SLC9A9: variants seen among roughly 807,000 people sequenced by gnomAD.
SLC9A9 encodes solute carrier family 9 member A9, also known as sodium/hydrogen exchanger 9.
In SLC9A9, 62 loss-of-function variants were observed where a neutral mutation model predicts 77.8. The ratio of observed to expected loss-of-function variants is 0.80; its 90% CI spans 0.65 to 0.98. SLC9A9 has a LOEUF of 0.98. SLC9A9 is among the 50% of genes least tolerant of loss of function. The probability of loss-of-function intolerance (pLI) is 0.00; values close to 1 mark genes in which losing one functional copy is unlikely to be tolerated. For missense variants in SLC9A9, 775 were observed against 774.9 expected (o/e 1.00, Z 0.00); for synonymous variants, 320 against 283.5 (o/e 1.13, Z -1.29).
chr3:143,744,159 C>T (rs2108819149), intron 4 of SLC9A9, among the ~76,000 whole-genome samples: 1 of 152,150 alleles, frequency 6.6e-6, no homozygotes, highest in South Asian at 2.1e-4. Flanking sequence ...TTTTAGTGCC[C>T]CCCAGCTTTA....
chr3:143,803,923 T>A (rs929948001), intron 2 of SLC9A9, among the ~76,000 whole-genome samples: 2 of 152,074 alleles, frequency 1.3e-5, no homozygotes, highest in Non-Finnish European at 2.9e-5. Flanking sequence ...CAGCAAGACC[T>A]CCCCAGACAT....
chr3:143,832,915 C>T (rs768440399), intron 1 of SLC9A9, among the ~76,000 whole-genome samples: 24 of 152,058 alleles, frequency 1.6e-4, no homozygotes, highest in Non-Finnish European at 3.1e-4. Context: ...TAATATAATA[C>T]ATTCTCTAAT....
intron 13 of SLC9A9, among the ~76,000 whole-genome samples, chr3:143,365,875 T>G (rs964972420): frequency 2.6e-5 from 4 of 152,222 alleles, no homozygotes; most frequent in African/African-American, 9.6e-5. Flanking sequence ...AAACTGCTCA[T>G]GTTGAGCTAA....
At chr3:143,790,716 T>C (rs1415000886) in intron 4 of SLC9A9, among the ~76,000 whole-genome samples, 2 of 152,128 alleles carry the variant, frequency 1.3e-5, no homozygotes. Context: ...CTCATAGGGG[T>C]AGTATAAGAT....
At chr3:143,846,426 T>G (rs1317236052) in intron 1 of SLC9A9, among the ~76,000 whole-genome samples, 1 of 152,218 alleles carries the variant, frequency 6.6e-6, no homozygotes, top group Non-Finnish European at 1.5e-5. Flanking sequence ...CTGTTCATGA[T>G]GGAGATAGGC....
intron 6 of SLC9A9, among the ~76,000 whole-genome samples, chr3:143,618,499 A>G (rs1035040006): frequency 1.3e-5 from 2 of 152,170 alleles, no homozygotes; most frequent in African/African-American, 2.4e-5. Context: ...AAAACCACAG[A>G]CATCCCACAG....
intron 14 of SLC9A9, among the ~76,000 whole-genome samples, chr3:143,347,751 T>C (rs2032330090): frequency 6.6e-6 from 1 of 152,158 alleles, no homozygotes; most frequent in Non-Finnish European, 1.5e-5. Context: ...TTTTCAACCC[T>C]CTCTTCCAAA....
chr3:143,491,478 A>G (rs549431655), intron 11 of SLC9A9, among the ~76,000 whole-genome samples: 86 of 152,254 alleles, frequency 5.6e-4, no homozygotes, highest in African/African-American at 2.0e-3. Context: ...TATTAATAAA[A>G]TAGCCATGGA....
intron 11 of SLC9A9, among the ~76,000 whole-genome samples, chr3:143,489,109 TA>T (rs2035700054): frequency 6.6e-6 from 1 of 151,838 alleles, no homozygotes; most frequent in Non-Finnish European, 1.5e-5. Context: ...AATCTAAAAT[TA>T]AAATTATGAA....
At chr3:143,601,556 C>T (rs2037845350) in intron 6 of SLC9A9, among the ~76,000 whole-genome samples, 1 of 152,174 alleles carries the variant, frequency 6.6e-6, no homozygotes, top group South Asian at 2.1e-4. Context: ...TATCACACAC[C>T]ACCTCCACAG....
chr3:143,720,127 T>C (rs537959208), intron 4 of SLC9A9, among the ~76,000 whole-genome samples: 1 of 151,364 alleles, frequency 6.6e-6, no homozygotes, highest in Non-Finnish European at 1.5e-5. Context: ...ATAATATATA[T>C]TATATATGAG....
chr3:143,409,915 A>C (rs6440171), intron 12 of SLC9A9, among the ~76,000 whole-genome samples: 99 of 152,316 alleles, frequency 6.5e-4, no homozygotes, highest in Non-Finnish European at 1.1e-3. Context: ...GAAAACTTAG[A>C]TTGAGCTGAA....
At chr3:143,779,920 T>G (rs2007817709) in intron 4 of SLC9A9, among the ~76,000 whole-genome samples, 1 of 152,244 alleles carries the variant, frequency 6.6e-6, no homozygotes, top group African/African-American at 2.4e-5. Context: ...TTCTTGCAAA[T>G]GAGTCTCCAT....
chr3:143,471,005 C>G (rs1306806781), intron 11 of SLC9A9, among the ~76,000 whole-genome samples: 1 of 152,160 alleles, frequency 6.6e-6, no homozygotes, highest in Non-Finnish European at 1.5e-5. Context: ...CAGCCACTAT[C>G]TCGTGGCAGG....
chr3:143,500,364 G>A (rs924630872), intron 9 of SLC9A9, among the ~76,000 whole-genome samples: 2 of 152,072 alleles, frequency 1.3e-5, no homozygotes, highest in African/African-American at 4.8e-5. Context: ...GATGAATCTT[G>A]TAAGGTAAGT....
At chr3:143,325,168 T>C (rs1025650250) in intron 14 of SLC9A9, among the ~76,000 whole-genome samples, 3 of 152,020 alleles carry the variant, frequency 2.0e-5, no homozygotes, top group Admixed American at 6.6e-5. Flanking sequence ...CCTCCTTGAA[T>C]TTGTCTTTAT....
intron 12 of SLC9A9, among the ~76,000 whole-genome samples, chr3:143,420,648 G>A (rs1442925697): frequency 1.3e-5 from 2 of 152,050 alleles, no homozygotes; most frequent in Non-Finnish European, 2.9e-5. Flanking sequence ...GAAAGGTGAG[G>A]GAAATCATTA....
chr3:143,631,850 TC>T (rs2038428220), intron 6 of SLC9A9, among the ~76,000 whole-genome samples: 1 of 152,158 alleles, frequency 6.6e-6, no homozygotes, highest in Non-Finnish European at 1.5e-5. Flanking sequence ...TTTATATTTT[TC>T]TAAAAAACAC....
At chr3:143,526,954 G>A (rs2036418141) in intron 9 of SLC9A9, among the ~76,000 whole-genome samples, 1 of 152,122 alleles carries the variant, frequency 6.6e-6, no homozygotes, top group Admixed American at 6.5e-5. Flanking sequence ...ATATAGATAA[G>A]TGTGACATTC....
Sources: gnomAD v4.1 joint callset for allele counts (sites outside exome capture counted in the v4.1 genomes callset) on GRCh38, gnomAD v4.1.1 for gene constraint, MANE v1.5 for transcripts, NCBI Gene and HGNC (gene_info 2026-07-23, HGNC 2026-07-21) for gene names.